The following GIT1 variants were observed in gnomAD, a reference collection of about 807,000 sequenced individuals.
GIT1 encodes the protein GIT ArfGAP 1.
In GIT1, 14 loss-of-function variants were observed where a neutral mutation model predicts 91.7. That is an observed-to-expected ratio of 0.15 (90% CI 0.10 to 0.24). GIT1 has a LOEUF of 0.24. GIT1 is among the 10% of genes least tolerant of loss of function. The pLI, the probability that GIT1 is intolerant of heterozygous loss-of-function variation, is 1.00. For synonymous variants in GIT1, 414 were observed against 418.2 expected (o/e 0.99, Z 0.12); for missense variants, 717 against 1,024.9 (o/e 0.70, Z 4.10).
chr17:29,584,385 C>T (rs1330880290), intron 1 of GIT1, among the ~76,000 whole-genome samples: 1 of 152,244 alleles, frequency 6.6e-6, no homozygotes, highest in African/African-American at 2.4e-5. Flanking sequence ...TCCACACTTG[C>T]TGCTGTCCCT....
At position 29,582,912 on chromosome 17, in the gene GIT1, C is replaced by T. The variant is rs2033452534; in HGVS notation, c.299+13G>A. ...GCGCAGTCTCTGCCCACCACCCCTC[C>T]AGCCCCACTCACTGGACTTTGTCTT... is the stretch of plus-strand genomic sequence containing the variant. On this transcript the variant is annotated intron_variant, in intron 3 of 19. Coordinates refer to ENST00000225394, the MANE Select transcript of GIT1 (RefSeq NM_014030.4). 1 of 1,589,666 alleles carries T rather than the reference C, an allele frequency of 6.3e-7. No homozygotes were observed. Among genetic ancestry groups the T allele is most frequent in the Non-Finnish European group, 8.6e-7 (1 of 1,158,966 alleles).
intron 1 of GIT1, among the ~76,000 whole-genome samples, chr17:29,587,052 A>ATTAAAC (rs1189277389): frequency 1.3e-5 from 2 of 152,022 alleles, no homozygotes; most frequent in African/African-American, 4.8e-5. Flanking sequence ...CCAAGCACAA[A>ATTAAAC]AAGTCCCTGG....
At chr17:29,587,887 A>G (rs1313112582) in intron 1 of GIT1, among the ~76,000 whole-genome samples, 1 of 152,154 alleles carries the variant, frequency 6.6e-6, no homozygotes, top group African/African-American at 2.4e-5. Flanking sequence ...GGAGACATTT[A>G]TAAGGCAAGG....
intron 9 of GIT1, among the ~76,000 whole-genome samples, chr17:29,577,978 T>G (rs945139613): frequency 2.0e-5 from 3 of 152,166 alleles, no homozygotes; most frequent in African/African-American, 7.2e-5. Context: ...ACCCAGAGTT[T>G]GGGCTGGAAT....
chr17:29,589,362 G>A lies in GIT1; in HGVS notation c.17C>T (p.Pro6Leu). The A allele has an allele frequency of 9.2e-7, 1 of 1,086,022 alleles. No individual in the cohort carries two copies. Among genetic ancestry groups the A allele is most frequent in the Non-Finnish European group, 1.1e-6 (1 of 883,884 alleles). 67.3% of individuals were successfully genotyped at this position (1,086,022 alleles called of 1,614,324 possible). The change falls in exon 1 of 20, where the codon CCG (proline) becomes CTG (leucine). Residue 6 changes from proline (P) to leucine (L), a missense_variant. Pro to Leu is a moderately conservative substitution (Grantham distance 98). Coordinates refer to ENST00000225394, the MANE Select transcript of GIT1 (RefSeq NM_014030.4). This position sits in a 1 kb window ranked among gnomAD's most constrained non-coding sequence, Gnocchi z 5.2. Reference protein sequence around the residue: MSRKGPRAEVCADCSA... With the variant: MSRKGLRAEVCADCSA... The stretch of plus-strand genomic sequence containing the variant: ...GCAGTCCGCACACACCTCCGCTCGC[G>A]GCCCCTTTCGGGACATCCTCAGCGG...
Position 29,575,469 on chromosome 17 carries a change from G to A in GIT1, c.1828C>T (p.Leu610=), listed in dbSNP as rs773410237. The change falls in exon 18 of 20, where the codon CTG becomes TTG. Residue 610 remains leucine, a splice_region_variant and synonymous_variant. Coordinates refer to ENST00000225394, the MANE Select transcript of GIT1 (RefSeq NM_014030.4). The surrounding 1 kb of genome is among the most constrained non-coding windows in gnomAD (Gnocchi z 5.5). ...NTQSGDPLLG[L]EGKRFLELGK... ...AGCTCTAGAAACCTCTTCCCTTCCA[G>A]CCTGAGGCCCAGGTCCAGAAAACAG... 3 of 1,600,888 alleles carry A rather than the reference G, an allele frequency of 1.9e-6. No homozygotes were observed. The highest frequency in any genetic ancestry group is 2.2e-5 in the South Asian group (2 of 89,704).
chr17:29,582,354 G>A (rs1423201042), intron 4 of GIT1, among the ~76,000 whole-genome samples: 2 of 152,256 alleles, frequency 1.3e-5, no homozygotes, highest in Non-Finnish European at 2.9e-5. Context: ...CGTGTGCTGT[G>A]TGCCCTGCTT....
chr17:29,577,670 G>C lies in GIT1; in HGVS notation c.956C>G (p.Pro319Arg), dbSNP rs2033261362. The C allele has an allele frequency of 6.8e-6, 11 of 1,611,874 alleles. No homozygotes were observed. Among genetic ancestry groups the C allele is most frequent in the Non-Finnish European group, 9.3e-6 (11 of 1,178,190 alleles). ...CTGATTCCGCGTGGCTGAGTATTCC[G>C]GGTTAACAGGCAGGAAGGGCACGGC... is the stretch of plus-strand genomic sequence containing the variant. The part of the protein sequence containing the change: ...RSAVPFLPVN[P>R]EYSATRNQGR... Residue 319 changes from proline to arginine, a missense_variant, in exon 10 of 20, where the codon CCG becomes CGG. Around this residue, in one of 3 missense-constraint regions of GIT1, gnomAD observed 271 missense variants for 451.6 expected, o/e 0.60. Coordinates refer to ENST00000225394, the MANE Select transcript of GIT1 (RefSeq NM_014030.4).
At chr17:29,577,482 AAAC>A (rs544985870) in intron 10 of GIT1, among the ~76,000 whole-genome samples, 160 bp downstream of exon 10, 126 of 152,302 alleles carry the variant, frequency 8.3e-4, no homozygotes, top group African/African-American at 2.9e-3. Flanking sequence ...CAAGTGCTCA[AAAC>A]AACAGCCTCC....
At chr17:29,583,369 C>T in intron 2 of GIT1, 114 bp downstream of exon 2, 1 of 1,138,208 alleles carries the variant, frequency 8.8e-7, no homozygotes, top group Non-Finnish European at 1.3e-6. Flanking sequence ...GGGGTGCTGC[C>T]CCTTGGAAGC....
intron 4 of GIT1, 56 bp downstream of exon 4, chr17:29,582,642 G>T: frequency 1.7e-6 from 2 of 1,204,908 alleles, no homozygotes; most frequent in Non-Finnish European, 1.2e-6. Flanking sequence ...CCTTCAGAGA[G>T]TCGTGGATGG....
At chr17:29,588,740 G>A (rs758219338) in intron 1 of GIT1, among the ~76,000 whole-genome samples, 8 of 152,338 alleles carry the variant, frequency 5.3e-5, no homozygotes, top group Admixed American at 2.0e-4. Flanking sequence ...TGAACGCCAG[G>A]CCCGGCAAGG....
In GIT1 at chr17:29,583,635, G is replaced by A; in HGVS notation, c.53-19C>T. On this transcript the variant is annotated intron_variant, in intron 1 of 19. Coordinates refer to ENST00000225394, the MANE Select transcript of GIT1 (RefSeq NM_014030.4). The stretch of plus-strand genomic sequence containing the variant: ...CCAGGGTCTGCCAGGGTGAGGGCAA[G>A]GGTCAGCCGGAGCCAGATGATGGGC... 1 of 1,562,522 alleles carries A rather than the reference G, an allele frequency of 6.4e-7. No homozygotes were observed. The highest frequency in any genetic ancestry group is 8.7e-7 in the Non-Finnish European group (1 of 1,156,052).
In GIT1 at chr17:29,578,716, T is replaced by C. The variant is rs1217670884; in HGVS notation, c.810+15A>G. 1.9e-6 allele frequency: 3 copies of C among 1,611,780 alleles called. No individual in the cohort carries two copies. In the African/African-American group the frequency reaches 4.0e-5, roughly 22 times the overall value. ...GCCAGCTTCAAGTGTCAGGGCACTG[T>C]TGGAGCAGACTTACCGCCTGCAGCT... On this transcript the variant is annotated intron_variant, in intron 8 of 19. Transcript: ENST00000225394.
rs2033210847 is a variant in GIT1 at position 29,576,564 on chromosome 17, G to A, written c.1338C>T (p.Val446=). 3 of 1,614,024 alleles carry A rather than the reference G, an allele frequency of 1.9e-6. No homozygotes were observed. Among genetic ancestry groups the A allele is most frequent in the Non-Finnish European group, 2.5e-6 (3 of 1,180,000 alleles). Residue 446 remains valine (V), a synonymous_variant, in exon 13 of 20, where the codon GTC becomes GTT. Coordinates refer to ENST00000225394, the MANE Select transcript of GIT1 (RefSeq NM_014030.4). ...GGAGCTCGTCGCTCAGGCTACTGTT[G>A]ACCTTCATGAGCTGCTGCACCTTTG... ...SEAKVQQLMK[V]NSSLSDELRR...
chr17:29,589,406 CTG>C lies in GIT1; in HGVS notation c.-30_-29del. The stretch of plus-strand genomic sequence containing the variant: ...TCAGCGGCGACGCGGCCGCAGCCCT[CTG>C]GGCCAGCGTGGGGGGCGCGGGCGGC... On this transcript the variant is annotated 5_prime_UTR_variant, in exon 1 of 20. Coordinates refer to ENST00000225394, the MANE Select transcript of GIT1 (RefSeq NM_014030.4). The surrounding 1 kb of genome is among the most constrained non-coding windows in gnomAD (Gnocchi z 5.2). 1.0e-6 allele frequency: 1 copy of C among 988,496 alleles called. No individual in the cohort carries two copies. The highest frequency in any genetic ancestry group is 1.8e-5 in the African/African-American group (1 of 56,850). 61.2% of individuals were successfully genotyped at this position (988,496 alleles called of 1,614,324 possible). A position where few individuals can be genotyped will look rare whatever the true frequency, so the allele number is the denominator to read the frequency against.
intron 7 of GIT1, among the ~76,000 whole-genome samples, chr17:29,579,946 G>A (rs1045359757): frequency 2.0e-5 from 3 of 152,110 alleles, no homozygotes; most frequent in Non-Finnish European, 4.4e-5. Flanking sequence ...TGATGCTCTC[G>A]GGGCTGCTCA....
In GIT1 at chr17:29,589,621, G is replaced by T. The variant is rs1175095385; in HGVS notation, c.-243C>A. ...GCCGCCGCTCGCGGCTCCTCTCTCC[G>T]CCCCCTGCGCGGCTCCCGGCCGCTT... On this transcript the variant is annotated 5_prime_UTR_variant, in exon 1 of 20. Coordinates refer to ENST00000225394, the MANE Select transcript of GIT1 (RefSeq NM_014030.4). This position sits in a 1 kb window ranked among gnomAD's most constrained non-coding sequence, Gnocchi z 5.2. 6.7e-6 allele frequency: 1 copy of T among 148,810 alleles called. No homozygotes were observed. The highest frequency in any genetic ancestry group is 2.4e-5 in the African/African-American group (1 of 40,884). 9.2% of individuals were successfully genotyped at this position (148,810 alleles called of 1,614,324 possible).
chr17:29,577,304 A>G (rs601364), intron 10 of GIT1, 57 bp from the exon 11 acceptor site: 1,298,635 of 1,346,836 alleles, frequency 0.96, 626,209 homozygotes, highest in East Asian at 1. Flanking sequence ...CTGACGCAGG[A>G]CGGCAGGGAC....
Sources: allele counts gnomAD v4.1 joint callset (sites outside exome capture counted in the v4.1 genomes callset), GRCh38; gene constraint gnomAD v4.1.1; regional missense constraint gnomAD v4.1.1; non-coding constraint Gnocchi (gnomAD v3.1); transcripts MANE v1.5; gene names NCBI Gene and HGNC (gene_info 2026-07-23, HGNC 2026-07-21).